Variants in FAM193A observed in about 807,000 individuals in gnomAD.
FAM193A encodes the protein protein FAM193A.
FAM193A carries 22 observed loss-of-function variants against 126.5 expected under a neutral mutation model. The ratio of observed to expected loss-of-function variants is 0.17; its 90% CI spans 0.12 to 0.25. The LOEUF is 0.25. Among genes scored for constraint, FAM193A ranks in the 10% least tolerant of loss-of-function variants. The probability of loss-of-function intolerance (pLI) is 1.00; values close to 1 mark genes in which losing one functional copy is unlikely to be tolerated. For synonymous variants in FAM193A, 761 were observed against 646.8 expected (o/e 1.18, Z -2.68); for missense variants, 1,675 against 1,672.8 (o/e 1.00, Z -0.02).
At chr4:2,689,175 G>A (rs568705680) in intron 13 of FAM193A, among the ~76,000 whole-genome samples, 4 of 152,360 alleles carry the variant, frequency 2.6e-5, no homozygotes, top group South Asian at 4.1e-4. Flanking sequence ...AGATTAAGCC[G>A]TAGAAACAGA....
chr4:2,642,302 C>CA (rs1283868080), intron 6 of FAM193A, among the ~76,000 whole-genome samples: 4 of 151,926 alleles, frequency 2.6e-5, no homozygotes, highest in African/African-American at 9.7e-5. Context: ...GACTCCATCT[C>CA]AAAAAAACAC....
intron 1 of FAM193A, among the ~76,000 whole-genome samples, chr4:2,566,765 T>C (rs1034645069): frequency 6.6e-6 from 1 of 152,142 alleles, no homozygotes; most frequent in Non-Finnish European, 1.5e-5. Flanking sequence ...TAAATAGTCA[T>C]TTTACTGCAC....
At chr4:2,708,376 C>G (rs1226084418) in intron 19 of FAM193A, 1 of 165,726 alleles carries the variant, frequency 6.0e-6, no homozygotes, top group South Asian at 1.1e-4. Context: ...CCACCCATCT[C>G]GGCCTCCCAA....
intron 1 of FAM193A, among the ~76,000 whole-genome samples, chr4:2,589,551 T>A (rs1412396957): frequency 6.6e-6 from 1 of 152,266 alleles, no homozygotes; most frequent in African/African-American, 2.4e-5. Context: ...TATAAATTGC[T>A]AGATATTTAC....
In FAM193A at chr4:2,620,750, C is replaced by T. The variant is rs965300443; in HGVS notation, c.502-4512C>T. Reference sequence around the variant, plus strand: ...CGTAATCCCAGCTACTCAGGAGAATCGTTTGAACCCAGGAGGCGGAGTTTG... The same window carrying T: ...CGTAATCCCAGCTACTCAGGAGAATTGTTTGAACCCAGGAGGCGGAGTTTG... On this transcript the variant is annotated intron_variant, in intron 2 of 20. Transcript: ENST00000637812. Among the ~76,000 whole-genome samples, 3 of 143,054 alleles carry T rather than the reference C, an allele frequency of 2.1e-5. No individual in the cohort carries two copies. In the South Asian group the frequency reaches 6.6e-4, roughly 32 times the overall value. The allele number at this position is 143,054 out of a possible 152,430, so 93.8% of individuals were successfully genotyped here.
chr4:2,642,062 G>A (rs989240879), intron 6 of FAM193A, among the ~76,000 whole-genome samples: 12 of 151,232 alleles, frequency 7.9e-5, no homozygotes, highest in Admixed American at 3.3e-4. Flanking sequence ...AGGTCGAGGC[G>A]GGCAGATCAT....
chr4:2,600,452 T>G (rs904582402), intron 2 of FAM193A, among the ~76,000 whole-genome samples: 3 of 152,188 alleles, frequency 2.0e-5, no homozygotes, highest in Non-Finnish European at 4.4e-5. Flanking sequence ...CTTCATAACT[T>G]CATGACTGCA....
chr4:2,628,787 C>T (rs921564384), intron 4 of FAM193A, among the ~76,000 whole-genome samples: 4 of 151,970 alleles, frequency 2.6e-5, no homozygotes, highest in Admixed American at 2.6e-4. Flanking sequence ...GTGCCCGCAT[C>T]TGTTGAATGT....
chr4:2,672,358 T>C lies in FAM193A; in HGVS notation c.2317T>C (p.Phe773Leu). The C allele has an allele frequency of 6.2e-7, 1 of 1,614,152 alleles. No homozygotes were observed. Among genetic ancestry groups the C allele is most frequent in the Non-Finnish European group, 8.5e-7 (1 of 1,180,024 alleles). The part of the protein sequence containing the change: ...IHPTLYATPP[F>L]THSKALPPAP... ...CCCCACCTTGTATGCAACGCCCCCC[T>C]TCACACACAGTAAGGTAAGTCAGGG... The change falls in exon 13 of 21, where the codon TTC (phenylalanine) becomes CTC (leucine). Residue 773 changes from phenylalanine to leucine, a missense_variant. Phe to Leu is a conservative substitution (Grantham distance 22, BLOSUM62 0). Around this residue, in one of 4 missense-constraint regions of FAM193A, gnomAD observed 1,186 missense variants for 1,109.2 expected, o/e 1.07. Transcript: ENST00000637812.
intron 3 of FAM193A, 93 bp from the exon 4 acceptor site, chr4:2,626,317 C>T (rs1378381799): frequency 7.8e-6 from 5 of 643,444 alleles, no homozygotes. Flanking sequence ...GGGCAAGGTG[C>T]AAGAGCCTGG....
chr4:2,673,072 TTC>T (rs1393655563), intron 13 of FAM193A, among the ~76,000 whole-genome samples: 2 of 152,356 alleles, frequency 1.3e-5, no homozygotes, highest in East Asian at 3.9e-4. Flanking sequence ...TTAGGCTGGT[TTC>T]TTTCTTTGGA....
intron 16 of FAM193A, 150 bp downstream of exon 16, chr4:2,694,024 C>T (rs1716743089): frequency 1.2e-6 from 1 of 860,798 alleles, no homozygotes; most frequent in Non-Finnish European, 1.8e-6. Flanking sequence ...CAGCAGAGGC[C>T]ATGGGTAGAG....
chr4:2,592,233 T>C (rs1162648864), intron 1 of FAM193A, among the ~76,000 whole-genome samples: 1 of 152,072 alleles, frequency 6.6e-6, no homozygotes, highest in African/African-American at 2.4e-5. Context: ...GGATTACAGA[T>C]GTACGCCACC....
intron 6 of FAM193A, among the ~76,000 whole-genome samples, chr4:2,640,834 A>G (rs1744546137): frequency 6.6e-6 from 1 of 151,876 alleles, no homozygotes; most frequent in Non-Finnish European, 1.5e-5. Context: ...GCTTGGTGGC[A>G]CATACCTGTG....
At chr4:2,538,362 C>A (rs370421423) in intron 1 of FAM193A, among the ~76,000 whole-genome samples, 1 of 151,810 alleles carries the variant, frequency 6.6e-6, no homozygotes. Flanking sequence ...CCACCATGCC[C>A]GGCTAATTTT....
At chr4:2,548,537 G>T (rs1372435561) in intron 1 of FAM193A, among the ~76,000 whole-genome samples, 1 of 151,026 alleles carries the variant, frequency 6.6e-6, no homozygotes, top group Non-Finnish European at 1.5e-5. Context: ...GCTCACTGCA[G>T]CCTCCGCCTC....
At chr4:2,557,418 C>CATTG (rs1312006362) in intron 1 of FAM193A, among the ~76,000 whole-genome samples, 2 of 152,194 alleles carry the variant, frequency 1.3e-5, no homozygotes, top group African/African-American at 2.4e-5. Context: ...AAGAAATTAG[C>CATTG]ATTGGTACAA....
intron 15 of FAM193A, among the ~76,000 whole-genome samples, chr4:2,693,238 T>C (rs1273073029): frequency 6.6e-6 from 1 of 152,108 alleles, no homozygotes; most frequent in East Asian, 1.9e-4. Flanking sequence ...CAGGCTGGTC[T>C]CGATCTCCTG....
At chr4:2,675,858 A>G (rs1457991544) in intron 13 of FAM193A, among the ~76,000 whole-genome samples, 3 of 152,174 alleles carry the variant, frequency 2.0e-5, no homozygotes, top group African/African-American at 7.2e-5. Flanking sequence ...TGACTACTCT[A>G]AGTACCTCAT....
Sources: allele counts gnomAD v4.1 joint callset (sites outside exome capture counted in the v4.1 genomes callset), GRCh38; gene constraint gnomAD v4.1.1; regional missense constraint gnomAD v4.1.1; transcripts MANE v1.5; gene names NCBI Gene and HGNC (gene_info 2026-07-23, HGNC 2026-07-21).